USF3: variants seen among roughly 807,000 people sequenced by gnomAD.
USF3 encodes upstream transcription factor family member 3.
A neutral mutation model predicts 157.5 loss-of-function variants in USF3; 29 were observed. The observed-to-expected ratio is 0.18, with a 90% CI of 0.14 to 0.25. The LOEUF (loss-of-function observed/expected upper bound fraction) is 0.25, where lower values mean the gene tolerates loss of function less well. Among genes scored for constraint, USF3 ranks in the 10% least tolerant of loss-of-function variants. USF3 has a pLI of 1.00. For synonymous variants in USF3, 893 were observed against 941.4 expected (o/e 0.95, Z 0.94); for missense variants, 2,381 against 2,667.6 (o/e 0.89, Z 2.37).
At chr3:113,662,490 G>A (rs972768126) in intron 6 of USF3, among the ~76,000 whole-genome samples, 1 of 152,150 alleles carries the variant, frequency 6.6e-6, no homozygotes, top group African/African-American at 2.4e-5. Flanking sequence ...TATTCTCCAG[G>A]CTAACACCCT....
At position 113,656,319 on chromosome 3, in the gene USF3, C is replaced by T. The variant is rs201006777; in HGVS notation, c.5363G>A (p.Arg1788His). The change falls in exon 7 of 7, where the codon CGT (arginine) becomes CAT (histidine). Residue 1788 changes from arginine (R) to histidine (H), a missense_variant. Around this residue, in one of 6 missense-constraint regions of USF3, gnomAD observed 770 missense variants for 824.2 expected, o/e 0.93. Transcript: ENST00000316407. ...SQNTGPPPID[R>H]QKRLSYPPVQ... is the part of the protein sequence containing the mutation. ...TGGTGGGTAAGATAATCTCTTTTGA[C>T]GGTCAATTGGTGGGGGGCCAGTGTT... is the stretch of plus-strand genomic sequence containing the variant. 151 of 1,613,982 alleles carry T rather than the reference C, an allele frequency of 9.4e-5. 1 individual carries two copies. The highest frequency in any genetic ancestry group is 4.7e-4 in the South Asian group (43 of 91,088).
chr3:113,673,084 G>A (rs1707196814), intron 4 of USF3, among the ~76,000 whole-genome samples: 1 of 152,020 alleles, frequency 6.6e-6, no homozygotes, highest in African/African-American at 2.4e-5. Flanking sequence ...TATCTTGGTA[G>A]GTAAAATCAC....
In USF3 at chr3:113,660,524, T is replaced by C. The variant is rs776888533; in HGVS notation, c.1158A>G (p.Ile386Met). ...CCAAAGGGTTTCCCGAAAGAGTGCT[T>C]ATAGGAATGGTGGCCTTCCCTACTC... ...APGVGKATIP[I>M]STLSGNPLDN... The change falls in exon 7 of 7, where the codon ATA becomes ATG. Residue 386 changes from isoleucine (I) to methionine (M), a missense_variant. By Grantham distance (10) the Ile-to-Met change is conservative. Around this residue, in one of 6 missense-constraint regions of USF3, gnomAD observed 1,435 missense variants for 1,550.9 expected, o/e 0.93. Transcript: ENST00000316407. 1.9e-6 allele frequency: 3 copies of C among 1,614,056 alleles called. No homozygotes were observed. In the East Asian group the frequency reaches 6.7e-5, roughly 36 times the overall value.
In USF3 at chr3:113,655,890, G is replaced by A. The variant is rs368544665; in HGVS notation, c.5792C>T (p.Thr1931Ile). ...GACTGGAGGGTTCATGTGGCCCTTGGTGGCATGACTCTCAGTAATCCTCAT... is the reference window on the plus strand; with the variant it reads ...GACTGGAGGGTTCATGTGGCCCTTGATGGCATGACTCTCAGTAATCCTCAT... ...NPMRITESHA[T>I]KGHMNPPVTT... The change falls in exon 7 of 7, where the codon ACC becomes ATC. Residue 1931 changes from threonine (T) to isoleucine (I), a missense_variant. Physicochemically the swap from Thr to Ile is moderately conservative, Grantham distance 89 (BLOSUM62 -1). Coordinates refer to ENST00000316407, the MANE Select transcript of USF3 (RefSeq NM_001009899.4). 1 of 1,614,162 alleles carries A rather than the reference G, an allele frequency of 6.2e-7. No homozygotes were observed. Among genetic ancestry groups the A allele is most frequent in the Non-Finnish European group, 8.5e-7 (1 of 1,180,030 alleles).
At chr3:113,685,795 T>A (rs1288253920) in intron 1 of USF3, among the ~76,000 whole-genome samples, 1 of 152,176 alleles carries the variant, frequency 6.6e-6, no homozygotes, top group East Asian at 1.9e-4. Flanking sequence ...TTTAGGGCAG[T>A]GGGTTCCCTT....
At chr3:113,693,109 T>G (rs1257586352) in intron 1 of USF3, among the ~76,000 whole-genome samples, 1 of 152,248 alleles carries the variant, frequency 6.6e-6, no homozygotes, top group Non-Finnish European at 1.5e-5. Flanking sequence ...ACGTTCAAGA[T>G]GTATATGGCT....
intron 1 of USF3, among the ~76,000 whole-genome samples, chr3:113,679,006 G>GGT (rs1235083054): frequency 3.4e-5 from 4 of 119,288 alleles, no homozygotes; most frequent in Admixed American, 8.0e-5. Flanking sequence ...TGTCCAGGCT[G>GGT]GTGTCTCTCT....
At position 113,691,733 on chromosome 3, in the gene USF3, A is replaced by C. The variant is rs114317169; in HGVS notation, c.-135+4637T>G. 6.5e-3 allele frequency among the ~76,000 whole-genome samples: 986 copies of C among 152,290 alleles called. 9 individuals carry two copies. The highest frequency in any genetic ancestry group is 0.022 in the African/African-American group (921 of 41,560). On this transcript the variant is annotated intron_variant, in intron 1 of 6. Transcript: ENST00000316407. ...CTTTCTGTGAGTTTATCCAGTATCC[A>C]TTTGCTGCTTAGCCAAATTCAATCT...
Position 113,674,900 on chromosome 3 carries a change from C to T in USF3, c.-18-4G>A, listed in dbSNP as rs751741306. The stretch of plus-strand genomic sequence containing the variant: ...GCATGGTTACAGTAATAGGAACCTA[C>T]AGAAGGATAGAAAGACACACCAGAA... On this transcript the variant is annotated splice_polypyrimidine_tract_variant and splice_region_variant and intron_variant, in intron 2 of 6. Transcript: ENST00000316407. 2.5e-6 allele frequency: 4 copies of T among 1,595,304 alleles called. No individual in the cohort carries two copies. The highest frequency in any genetic ancestry group is 2.2e-5 in the East Asian group (1 of 44,754).
chr3:113,661,574 C>G, intron 6 of USF3, 149 bp from the exon 7 acceptor site: 1 of 462,232 alleles, frequency 2.2e-6, no homozygotes, highest in Non-Finnish European at 3.7e-6. Flanking sequence ...TCTAATACAA[C>G]TTCTTTTTTC....
In USF3 at chr3:113,655,171, G is replaced by C. The variant is rs1947331261; in HGVS notation, c.6511C>G (p.Leu2171Val). 1 of 1,614,212 alleles carries C rather than the reference G, an allele frequency of 6.2e-7. No homozygotes were observed. The highest frequency in any genetic ancestry group is 8.5e-7 in the Non-Finnish European group (1 of 1,180,034). Residue 2171 changes from leucine (L) to valine (V), a missense_variant, in exon 7 of 7, where the codon CTT (leucine) becomes GTT (valine). Transcript: ENST00000316407. ...PVGFAQPSFP[L>V]LPDMPPMHMT... ...TGCATTGGTGGCATATCTGGGAGAA[G>C]AGGAAAACTTGGTTGAGCAAACCCA...
In USF3 at chr3:113,655,197, A is replaced by G; in HGVS notation, c.6485T>C (p.Val2162Ala). ...FGSILSPPRP[V>A]GFAQPSFPLL... is the part of the protein sequence containing the mutation. ...AGGAAAACTTGGTTGAGCAAACCCA[A>G]CAGGTCTGGGAGGAGATAAAATTGA... Residue 2162 changes from valine to alanine, a missense_variant, in exon 7 of 7, where the codon GTT becomes GCT. Physicochemically the swap from Val to Ala is moderately conservative, Grantham distance 64. Around this residue, in one of 6 missense-constraint regions of USF3, gnomAD observed 770 missense variants for 824.2 expected, o/e 0.93. Coordinates refer to ENST00000316407, the MANE Select transcript of USF3 (RefSeq NM_001009899.4). 3.1e-6 allele frequency: 5 copies of G among 1,614,212 alleles called. No individual in the cohort carries two copies. Among genetic ancestry groups the G allele is most frequent in the Non-Finnish European group, 4.2e-6 (5 of 1,180,028 alleles).
chr3:113,683,012 G>C (rs1398793558), intron 1 of USF3, among the ~76,000 whole-genome samples: 1 of 146,560 alleles, frequency 6.8e-6, no homozygotes, highest in African/African-American at 2.5e-5. Flanking sequence ...CCACCATTTT[G>C]TTATTTGTTT....
rs1290616412 is a variant in USF3 at position 113,658,056 on chromosome 3, G to C, written c.3626C>G (p.Pro1209Arg). The C allele has an allele frequency of 1.9e-6, 3 of 1,614,042 alleles. No individual in the cohort carries two copies. The highest frequency in any genetic ancestry group is 2.5e-6 in the Non-Finnish European group (3 of 1,180,000). The stretch of plus-strand genomic sequence containing the variant: ...TAGAGAACAACTTGGTTTCTCAAGG[G>C]GCCTCTCCATAGTTGCTTCAATTGA... ...QGSIEATMER[P>R]LEKPSCSLGI... is the part of the protein sequence containing the mutation. The change falls in exon 7 of 7, where the codon CCC (proline) becomes CGC (arginine). Residue 1209 changes from proline (P) to arginine (R), a missense_variant. This residue lies in a region of USF3 where 1,435 missense variants were observed against 1,550.9 expected (regional missense o/e 0.93). Transcript: ENST00000316407.
In USF3 at chr3:113,655,180, T is replaced by C. The variant is rs1258845911; in HGVS notation, c.6502A>G (p.Ser2168Gly). ...GGCATATCTGGGAGAAGAGGAAAAC[T>C]TGGTTGAGCAAACCCAACAGGTCTG... ...PPRPVGFAQPSFPLLPDMPPM... is the reference protein window; with the variant it reads ...PPRPVGFAQPGFPLLPDMPPM... Residue 2168 changes from serine to glycine, a missense_variant, in exon 7 of 7, where the codon AGT (serine) becomes GGT (glycine). Transcript: ENST00000316407. The C allele has an allele frequency of 1.2e-6, 2 of 1,614,096 alleles. No individual in the cohort carries two copies. The highest frequency in any genetic ancestry group is 1.7e-6 in the Non-Finnish European group (2 of 1,180,034).
chr3:113,679,603 G>A (rs1707365162), intron 1 of USF3, among the ~76,000 whole-genome samples: 3 of 151,662 alleles, frequency 2.0e-5, no homozygotes, highest in Admixed American at 2.0e-4. Flanking sequence ...TAGTAGAGAC[G>A]GGGTTTCACC....
At chr3:113,694,478 C>T (rs1559728468) in intron 1 of USF3, among the ~76,000 whole-genome samples, 1 of 152,188 alleles carries the variant, frequency 6.6e-6, no homozygotes, top group East Asian at 1.9e-4. Flanking sequence ...CTCTTACATC[C>T]CTGCAATGCA....
In USF3 at chr3:113,649,816, T is replaced by G. The variant is rs746153645; in HGVS notation, c.*5128A>C. 3 of 702,878 alleles carry G rather than the reference T, an allele frequency of 4.3e-6. No homozygotes were observed. The South Asian group carries it at 4.4e-5, about 10-fold the overall frequency. 43.5% of individuals were successfully genotyped at this position (702,878 alleles called of 1,614,324 possible). A position where few individuals can be genotyped will look rare whatever the true frequency, so the allele number is the denominator to read the frequency against. On this transcript the variant is annotated 3_prime_UTR_variant, in exon 7 of 7. Transcript: ENST00000316407. Reference sequence around the variant, plus strand: ...TCAGCATGGACTGACTCAATCTAAATTTGGTGTCCCCCCTCCACAGGTTCT... The same window carrying G: ...TCAGCATGGACTGACTCAATCTAAAGTTGGTGTCCCCCCTCCACAGGTTCT...
intron 3 of USF3, among the ~76,000 whole-genome samples, chr3:113,674,531 T>C (rs1485817447): frequency 2.0e-5 from 3 of 151,980 alleles, no homozygotes; most frequent in Non-Finnish European, 4.4e-5. Context: ...TTAGTAGAGA[T>C]GGGGTTTCAT....
Sources: gnomAD v4.1 joint callset for allele counts (sites outside exome capture counted in the v4.1 genomes callset) on GRCh38, gnomAD v4.1.1 for gene constraint, gnomAD v4.1.1 regional missense constraint, MANE v1.5 for transcripts, NCBI Gene and HGNC (gene_info 2026-07-23, HGNC 2026-07-21) for gene names.